The following ARHGAP42 variants were observed in gnomAD, a reference collection of about 807,000 sequenced individuals.
The protein encoded by ARHGAP42 is Rho GTPase activating protein 42.
Under a neutral mutation model 125.0 loss-of-function variants are expected in ARHGAP42, and 63 were observed. The observed-to-expected ratio is 0.50, with a 90% CI of 0.41 to 0.62. The LOEUF is 0.62. Ranked by LOEUF, ARHGAP42 falls within the 20% of genes least tolerant of loss-of-function variation. The pLI is 0.00. For synonymous variants in ARHGAP42, 339 were observed against 351.0 expected (o/e 0.97, Z 0.38); for missense variants, 766 against 1,024.2 (o/e 0.75, Z 3.44).
chr11:100,877,018 A>G (rs1345326938), intron 4 of ARHGAP42, among the ~76,000 whole-genome samples: 2 of 152,220 alleles, frequency 1.3e-5, no homozygotes, highest in Non-Finnish European at 2.9e-5. Context: ...CTCACTGTAG[A>G]AAGATTTCAG....
chr11:100,701,917 C>T (rs556835144), intron 1 of ARHGAP42, among the ~76,000 whole-genome samples: 6 of 152,026 alleles, frequency 3.9e-5, no homozygotes, highest in Admixed American at 1.3e-4. Context: ...ATTTGACTGA[C>T]AACAGAGGCC....
At chr11:100,859,404 G>A (rs998141746) in intron 3 of ARHGAP42, 150 bp from the exon 4 acceptor site, 1 of 542,450 alleles carries the variant, frequency 1.8e-6, no homozygotes. Flanking sequence ...TTATATAGTA[G>A]AAGAACTGTA....
Position 100,992,659 on chromosome 11 carries a change from A to C in ARHGAP42, c.*3858A>C. 1 of 1,609,518 alleles carries C rather than the reference A, an allele frequency of 6.2e-7. No homozygotes were observed. The highest frequency in any genetic ancestry group is 8.5e-7 in the Non-Finnish European group (1 of 1,177,708). The stretch of plus-strand genomic sequence containing the variant: ...CCCTGCTTCAAAATGTGCCAGTTCC[A>C]CTTGGTAATAACGTTGGGAAAATGC... On this transcript the variant is annotated 3_prime_UTR_variant, in exon 24 of 24. Coordinates refer to ENST00000298815, the MANE Select transcript of ARHGAP42 (RefSeq NM_152432.4).
At chr11:100,970,722 A>G (rs1435708801) in intron 17 of ARHGAP42, among the ~76,000 whole-genome samples, 2 of 152,050 alleles carry the variant, frequency 1.3e-5, no homozygotes, top group Non-Finnish European at 2.9e-5. Flanking sequence ...TCTGGGTAAA[A>G]TCTTTGACCC....
At chr11:100,700,447 T>C (rs1861378000) in intron 1 of ARHGAP42, among the ~76,000 whole-genome samples, 1 of 152,196 alleles carries the variant, frequency 6.6e-6, no homozygotes, top group South Asian at 2.1e-4. Flanking sequence ...TGAAATGCTG[T>C]TTGATAGCAT....
At position 100,759,801 on chromosome 11, in the gene ARHGAP42, TA is replaced by T. The variant is rs559949924; in HGVS notation, c.155-10536del. 1.8e-3 allele frequency among the ~76,000 whole-genome samples: 275 copies of T among 152,198 alleles called. 1 individual carries two copies. The highest frequency in any genetic ancestry group is 6.2e-3 in the African/African-American group (256 of 41,512). On this transcript the variant is annotated intron_variant, in intron 1 of 23. Coordinates refer to ENST00000298815, the MANE Select transcript of ARHGAP42 (RefSeq NM_152432.4). ...TAGGCTTTACCTCAATATATGCATT[TA>T]AAAAATGCAAAACTGTGTAAAATTA...
chr11:100,855,200 C>A (rs796776416), intron 3 of ARHGAP42, among the ~76,000 whole-genome samples: 1 of 152,008 alleles, frequency 6.6e-6, no homozygotes, highest in African/African-American at 2.4e-5. Flanking sequence ...ATAACTAAAT[C>A]TTTGCATCAA....
intron 1 of ARHGAP42, among the ~76,000 whole-genome samples, chr11:100,705,249 G>T (rs1392787215): frequency 6.6e-6 from 1 of 152,162 alleles, no homozygotes; most frequent in Non-Finnish European, 1.5e-5. Context: ...ACTCACACAT[G>T]TGCAGTGTTA....
chr11:100,688,070 G>A (rs529780720), intron 1 of ARHGAP42: 20 of 326,348 alleles, frequency 6.1e-5, no homozygotes, highest in South Asian at 1.3e-4. Context: ...ATATCCTGAG[G>A]AAAGTCGTTC....
chr11:100,791,414 T>G (rs1482445953), intron 2 of ARHGAP42, among the ~76,000 whole-genome samples: 1 of 152,214 alleles, frequency 6.6e-6, no homozygotes, highest in Admixed American at 6.5e-5. Flanking sequence ...TGTGTTATGT[T>G]AAGCCTAGAA....
intron 3 of ARHGAP42, among the ~76,000 whole-genome samples, chr11:100,829,780 T>C (rs571686837): frequency 2.0e-5 from 3 of 152,366 alleles, no homozygotes; most frequent in South Asian, 4.1e-4. Context: ...TAAAATCTTC[T>C]AATTACCCAG....
intron 3 of ARHGAP42, among the ~76,000 whole-genome samples, chr11:100,831,665 C>T (rs1223567805): frequency 6.6e-6 from 1 of 152,138 alleles, no homozygotes; most frequent in Non-Finnish European, 1.5e-5. Context: ...TGGGGAATTC[C>T]TTGCCTCTGC....
intron 3 of ARHGAP42, among the ~76,000 whole-genome samples, chr11:100,847,057 T>A (rs1366530491): frequency 2.6e-5 from 4 of 152,126 alleles, no homozygotes; most frequent in Non-Finnish European, 5.9e-5. Flanking sequence ...GACAGTGGGA[T>A]GGAACAGAAG....
chr11:100,964,414 T>A (rs1304657119), intron 16 of ARHGAP42, among the ~76,000 whole-genome samples: 1 of 152,210 alleles, frequency 6.6e-6, no homozygotes, highest in Non-Finnish European at 1.5e-5. Flanking sequence ...TTTTCACATA[T>A]GCGGAAAGAT....
chr11:100,718,859 A>G (rs1374304813), intron 1 of ARHGAP42, among the ~76,000 whole-genome samples: 1 of 152,198 alleles, frequency 6.6e-6, no homozygotes, highest in Non-Finnish European at 1.5e-5. Context: ...TCAGTACTTT[A>G]TTTAACGTGA....
intron 2 of ARHGAP42, among the ~76,000 whole-genome samples, chr11:100,788,733 T>C (rs1458511029): frequency 6.6e-6 from 1 of 152,210 alleles, no homozygotes; most frequent in Admixed American, 6.5e-5. Flanking sequence ...TTGGTGTCAC[T>C]TTTAATAAAA....
intron 4 of ARHGAP42, among the ~76,000 whole-genome samples, chr11:100,865,108 A>G (rs1165722946): frequency 6.6e-6 from 1 of 152,110 alleles, no homozygotes; most frequent in Non-Finnish European, 1.5e-5. Flanking sequence ...ATAGAGCTTG[A>G]TTTCTTTATA....
chr11:100,731,167 T>C (rs1756627779), intron 1 of ARHGAP42, among the ~76,000 whole-genome samples: 1 of 144,788 alleles, frequency 6.9e-6, no homozygotes, highest in Admixed American at 6.9e-5. Context: ...TATATTCTTC[T>C]TTTTTTTTTT....
intron 16 of ARHGAP42, among the ~76,000 whole-genome samples, chr11:100,963,693 A>C (rs1025490795): frequency 1.2e-4 from 19 of 152,216 alleles, no homozygotes; most frequent in African/African-American, 4.1e-4. Context: ...AATCTTTGTA[A>C]GACATACAGG....
Sources: gnomAD v4.1 joint callset for allele counts (sites outside exome capture counted in the v4.1 genomes callset) on GRCh38, gnomAD v4.1.1 for gene constraint, MANE v1.5 for transcripts, NCBI Gene and HGNC (gene_info 2026-07-23, HGNC 2026-07-21) for gene names.